The following CT55 variants were observed in gnomAD, a reference collection of about 807,000 sequenced individuals.
CT55 encodes cancer/testis antigen 55.
A neutral mutation model predicts 12.6 loss-of-function variants in CT55; 1 was observed. The ratio of observed to expected loss-of-function variants is 0.08; its 90% CI spans 0.03 to 0.38. The LOEUF (loss-of-function observed/expected upper bound fraction) is 0.38. Among genes scored for constraint, CT55 ranks in the 10% least tolerant of loss-of-function variants. The pLI is 0.99. For missense variants in CT55, 109 were observed against 135.4 expected (o/e 0.80, Z 0.97); for synonymous variants, 43 against 49.7 (o/e 0.87, Z 0.57).
At chrX:135,171,644 C>T (rs781918473), upstream of CT55, among the ~76,000 whole-genome samples, 7 of 111,431 alleles carry the variant, frequency 6.3e-5, no homozygotes, top group South Asian at 3.8e-4. Context: ...CCTGAAACAC[C>T]GGCTGTGCAA....
At chrX:135,159,207 TTCTCTCTCTCTC>T (rs60230637) in intron 3 of CT55, among the ~76,000 whole-genome samples, 16 of 100,590 alleles carry the variant, frequency 1.6e-4, no homozygotes, top group South Asian at 1.4e-3. Flanking sequence ...GTTAGACCTG[TTCTCTCTCTCTC>T]TCTCTCTCTC....
chrX:135,164,806 A>G (rs2148444116), intron 2 of CT55, among the ~76,000 whole-genome samples: 1 of 112,599 alleles, frequency 8.9e-6, no homozygotes, highest in Admixed American at 9.4e-5. Flanking sequence ...AATAAAATAG[A>G]GTTTAAATCA....
At position 135,158,131 on chromosome X, in the gene CT55, T is replaced by G. The variant is rs111629738; in HGVS notation, c.537+68A>C. ...CCCATTATACCCAACAGAATCCTGG[T>G]CACGTAAATTATCACCAAAGGAAGA... On this transcript the variant is annotated intron_variant, in intron 4 of 5. Coordinates refer to ENST00000276241, the MANE Select transcript of CT55 (RefSeq NM_001031705.3). 7.9e-4 allele frequency: 493 copies of G among 627,832 alleles called. 1 individual carries two copies. The highest frequency in any genetic ancestry group is 3.4e-3 in the African/African-American group (154 of 45,600). The allele number at this position is 627,832 out of a possible 1,213,427, so 51.7% of individuals were successfully genotyped here. A position where few individuals can be genotyped will look rare whatever the true frequency, so the allele number is the denominator to read the frequency against.
chrX:135,165,218 T>C (rs2083578272), intron 2 of CT55, among the ~76,000 whole-genome samples: 1 of 112,235 alleles, frequency 8.9e-6, no homozygotes, highest in Non-Finnish European at 1.9e-5. Context: ...GAATTTGAAA[T>C]AACATCAAAT....
rs1359046417 is a variant in CT55, at chrX:135,167,351, G to A, written c.279+2243C>T. Among the ~76,000 whole-genome samples the A allele has an allele frequency of 2.7e-5, 3 of 112,205 alleles. No individual in the cohort carries two copies. The East Asian group carries it at 8.4e-4, about 31-fold the overall frequency. On this transcript the variant is annotated intron_variant, in intron 2 of 5. Coordinates refer to ENST00000276241, the MANE Select transcript of CT55 (RefSeq NM_001031705.3). ...CCCGAGAACACACAATGTTGAGAAA[G>A]TACAGTCTCTTCAATAAATGATGTT...
chrX:135,167,396 TC>T (rs1556406191), intron 2 of CT55, among the ~76,000 whole-genome samples: 1 of 111,886 alleles, frequency 8.9e-6, no homozygotes, highest in Non-Finnish European at 1.9e-5. Context: ...TGGATATTCA[TC>T]TGAGAAAAAT....
intron 2 of CT55, among the ~76,000 whole-genome samples, chrX:135,165,799 C>T (rs1353124167): frequency 1.8e-5 from 2 of 109,487 alleles, no homozygotes; most frequent in South Asian, 4.0e-4. Flanking sequence ...CAATCATCTG[C>T]CTACAAATAG....
chrX:135,165,549 C>T (rs782709628), intron 2 of CT55, among the ~76,000 whole-genome samples: 35 of 110,812 alleles, frequency 3.2e-4, no homozygotes, highest in Admixed American at 1.2e-3. Context: ...AAATGCAATG[C>T]AAAATTAGGA....
At position 135,162,780 on chromosome X, in the gene CT55, C is replaced by A. The variant is rs782656148; in HGVS notation, c.280-2225G>T. 1.1e-4 allele frequency among the ~76,000 whole-genome samples: 12 copies of A among 111,589 alleles called. No homozygotes were observed. In the South Asian group the frequency reaches 1.9e-3, roughly 18 times the overall value. ...CAGAGTCTCTAGACCCACCCTGGCA[C>A]CAGACAGGAAGCCACAGCCACAGCA... On this transcript the variant is annotated intron_variant, in intron 2 of 5. Coordinates refer to ENST00000276241, the MANE Select transcript of CT55 (RefSeq NM_001031705.3).
chrX:135,169,564 A>T lies in CT55; in HGVS notation c.279+30T>A, dbSNP rs200818862. 273 of 1,133,979 alleles carry T rather than the reference A, an allele frequency of 2.4e-4. No homozygotes were observed. In the African/African-American group the frequency reaches 4.4e-3, roughly 18 times the overall value. The allele number at this position is 1,133,979 out of a possible 1,213,427, so 93.5% of individuals were successfully genotyped here. On this transcript the variant is annotated intron_variant, in intron 2 of 5. Coordinates refer to ENST00000276241, the MANE Select transcript of CT55 (RefSeq NM_001031705.3). ...GAGAAAGAAAGCCCACTGGGATAAG[A>T]CACAATTCCCAAACTCATGCACATC... is the stretch of plus-strand genomic sequence containing the variant.
intron 2 of CT55, among the ~76,000 whole-genome samples, chrX:135,162,382 G>A (rs1428365794): frequency 2.7e-5 from 3 of 112,447 alleles, no homozygotes; most frequent in Non-Finnish European, 5.6e-5. Flanking sequence ...TAAAAATTAA[G>A]CAGATAGAGG....
At chrX:135,159,065 G>C (rs550380102) in intron 3 of CT55, among the ~76,000 whole-genome samples, 3 of 111,936 alleles carry the variant, frequency 2.7e-5, no homozygotes, top group African/African-American at 9.8e-5. Flanking sequence ...TTACGTGAAA[G>C]AATCTGGAGC....
chrX:135,165,816 C>A (rs1556405898), intron 2 of CT55, among the ~76,000 whole-genome samples: 1 of 109,254 alleles, frequency 9.2e-6, no homozygotes, highest in Non-Finnish European at 1.9e-5. Context: ...ATAGGACAAG[C>A]TAGAAGAAAT....
In CT55 at chrX:135,171,124, G is replaced by T. The variant is rs782780501; in HGVS notation, c.48C>A (p.Ala16=). 29 of 1,209,780 alleles carry T rather than the reference G, an allele frequency of 2.4e-5. No homozygotes were observed. The highest frequency in any genetic ancestry group is 3.1e-5 in the Non-Finnish European group (28 of 895,072). Residue 16 remains alanine, a synonymous_variant, in exon 1 of 6, where the codon GCC becomes GCA. Coordinates refer to ENST00000276241, the MANE Select transcript of CT55 (RefSeq NM_001031705.3). ...GTGGGCCCTGTCGCTCTGCAGGGTCGGCCGTCCTCCCGTAGAAGGCCAAAG... is the reference window on the plus strand; with the variant it reads ...GTGGGCCCTGTCGCTCTGCAGGGTCTGCCGTCCTCCCGTAGAAGGCCAAAG... ...RLALAFYGRT[A]DPAERQGPQQ... is the part of the protein sequence containing the mutation.
chrX:135,171,357 C>G lies in CT55; in HGVS notation c.-186G>C, dbSNP rs189194889. 18 of 847,799 alleles carry G rather than the reference C, an allele frequency of 2.1e-5. No individual in the cohort carries two copies. The highest frequency in any genetic ancestry group is 2.8e-5 in the Non-Finnish European group (18 of 637,266). The allele number at this position is 847,799 out of a possible 1,213,427, so 69.9% of individuals were successfully genotyped here. ...CTCAGGAGAGTCAGGGACACCGCAG[C>G]CTCCAAAGGAGCTCCCAGCTTCTCC... On this transcript the variant is annotated 5_prime_UTR_variant, in exon 1 of 6. Transcript: ENST00000276241.
chrX:135,168,997 G>A (rs1374898296), intron 2 of CT55, among the ~76,000 whole-genome samples: 3 of 112,094 alleles, frequency 2.7e-5, no homozygotes, highest in East Asian at 2.8e-4. Flanking sequence ...ATTTCAGATC[G>A]ATAGTATTGT....
At chrX:135,161,300 C>T (rs1556405139) in intron 2 of CT55, among the ~76,000 whole-genome samples, 1 of 111,586 alleles carries the variant, frequency 9.0e-6, no homozygotes, top group Non-Finnish European at 1.9e-5. Context: ...GCTTGTTATA[C>T]TAAAAGTAGG....
intron 3 of CT55, among the ~76,000 whole-genome samples, chrX:135,158,826 A>G: frequency 8.9e-6 from 1 of 112,540 alleles, no homozygotes; most frequent in East Asian, 2.8e-4. Flanking sequence ...TATGTGTGAT[A>G]CGCACAGAAT....
upstream of CT55, among the ~76,000 whole-genome samples, chrX:135,171,822 A>G (rs1414997626): frequency 1.8e-5 from 2 of 111,722 alleles, no homozygotes; most frequent in East Asian, 5.6e-4. Flanking sequence ...GTGTACTAGG[A>G]CTGCCATTTT....
Sources: gnomAD v4.1 joint callset for allele counts (sites outside exome capture counted in the v4.1 genomes callset) on GRCh38, gnomAD v4.1.1 for gene constraint, MANE v1.5 for transcripts, NCBI Gene and HGNC (gene_info 2026-07-23, HGNC 2026-07-21) for gene names.